CDH18: variants seen among roughly 807,000 people sequenced by gnomAD.
CDH18 encodes the protein cadherin-18.
Under a neutral mutation model 67.9 loss-of-function variants are expected in CDH18, and 31 were observed. The ratio of observed to expected loss-of-function variants is 0.46; its 90% CI spans 0.34 to 0.62. The LOEUF (loss-of-function observed/expected upper bound fraction) is 0.62, where lower values mean the gene tolerates loss of function less well. CDH18 is among the 20% of genes least tolerant of loss of function. CDH18 has a pLI of 0.01. For synonymous variants in CDH18, 362 were observed against 347.2 expected (o/e 1.04, Z -0.48); for missense variants, 890 against 975.5 (o/e 0.91, Z 1.17).
At chr5:19,879,449 T>A (rs1420547969) in intron 2 of CDH18, among the ~76,000 whole-genome samples, 2 of 152,036 alleles carry the variant, frequency 1.3e-5, no homozygotes, top group African/African-American at 2.4e-5. Context: ...TCTAGTTCAC[T>A]GTTTAAATCT....
At chr5:20,122,546 C>T (rs1748445925) in intron 2 of CDH18, among the ~76,000 whole-genome samples, 1 of 151,956 alleles carries the variant, frequency 6.6e-6, no homozygotes, top group Non-Finnish European at 1.5e-5. Context: ...ACTATAGTAT[C>T]TTGACGTGAC....
intron 2 of CDH18, among the ~76,000 whole-genome samples, chr5:20,095,362 A>G (rs1745828292): frequency 7.1e-6 from 1 of 141,428 alleles, no homozygotes; most frequent in Non-Finnish European, 1.5e-5. Flanking sequence ...AAAGAAAGAA[A>G]AGACAGAAGA....
chr5:19,593,212 T>C (rs1322091996), intron 6 of CDH18, among the ~76,000 whole-genome samples: 1 of 152,074 alleles, frequency 6.6e-6, no homozygotes, highest in African/African-American at 2.4e-5. Flanking sequence ...ATATAGTAAT[T>C]TTACTTTTAA....
At chr5:20,012,313 T>A (rs1737509387) in intron 2 of CDH18, among the ~76,000 whole-genome samples, 1 of 151,252 alleles carries the variant, frequency 6.6e-6, no homozygotes, top group Admixed American at 6.6e-5. Flanking sequence ...TTTACTTGAA[T>A]CTTCTCTCTT....
At chr5:20,356,252 A>C (rs556229938) in intron 1 of CDH18, among the ~76,000 whole-genome samples, 65 of 152,226 alleles carry the variant, frequency 4.3e-4, no homozygotes, top group Admixed American at 7.2e-4. Flanking sequence ...GCATGGTGGC[A>C]GGTGCCTGCA....
intron 1 of CDH18, among the ~76,000 whole-genome samples, chr5:20,374,512 T>C (rs1743255753): frequency 6.6e-6 from 1 of 152,204 alleles, no homozygotes; most frequent in Non-Finnish European, 1.5e-5. Flanking sequence ...CCTAGTGTTT[T>C]ACAAAATATT....
In CDH18 at chr5:20,036,899, G is replaced by T. The variant is rs374685736; in HGVS notation, c.-517-44885C>A. ...TCTTTGTCTTTTTTGATCTTTGTGG[G>T]TCTAAAGTCTGTTTCATCAGAGATT... On this transcript the variant is annotated intron_variant, in intron 2 of 14. Transcript: ENST00000507958. 5.3e-5 allele frequency among the ~76,000 whole-genome samples: 8 copies of T among 151,904 alleles called. No individual in the cohort carries two copies. The East Asian group carries it at 5.8e-4, about 11-fold the overall frequency.
intron 10 of CDH18, among the ~76,000 whole-genome samples, chr5:19,504,606 ATTTTAAGTT>A (rs1479217619): frequency 1.3e-5 from 2 of 152,100 alleles, no homozygotes; most frequent in Non-Finnish European, 2.9e-5. Context: ...AAATGTCAAT[ATTTTAAGTT>A]TTTTAAGGGT....
upstream of CDH18, among the ~76,000 whole-genome samples, chr5:19,990,351 A>G (rs528386986): frequency 5.9e-4 from 90 of 152,344 alleles, no homozygotes; most frequent in African/African-American, 2.1e-3. Flanking sequence ...CTGAGACACA[A>G]GCAATGAGCA....
chr5:20,516,949 G>T (rs10440638), intron 1 of CDH18, among the ~76,000 whole-genome samples: 73,948 of 151,682 alleles, frequency 0.49, 18,164 homozygotes, highest in East Asian at 0.58. Context: ...ATAGAATCTA[G>T]TGCAATACTT....
chr5:20,035,540 G>A (rs1739776274), intron 2 of CDH18, among the ~76,000 whole-genome samples: 1 of 151,966 alleles, frequency 6.6e-6, no homozygotes, highest in African/African-American at 2.4e-5. Flanking sequence ...TGGCAGGTGA[G>A]AGAGTGAAAA....
chr5:19,703,699 C>T (rs1010755783), intron 5 of CDH18, among the ~76,000 whole-genome samples: 69 of 151,972 alleles, frequency 4.5e-4, no homozygotes, highest in Non-Finnish European at 6.8e-4. Flanking sequence ...GGCAGTTCCC[C>T]ATTAGGACAC....
intron 1 of CDH18, among the ~76,000 whole-genome samples, chr5:20,368,340 A>G (rs908866650): frequency 6.6e-6 from 1 of 152,144 alleles, no homozygotes; most frequent in African/African-American, 2.4e-5. Context: ...CTAAAGAATC[A>G]CTATTTGTGT....
chr5:20,226,494 T>C (rs1050112484), intron 2 of CDH18, among the ~76,000 whole-genome samples: 4 of 152,108 alleles, frequency 2.6e-5, no homozygotes, highest in African/African-American at 7.2e-5. Context: ...AAGGTTTAGT[T>C]TTTTTGATAG....
At chr5:20,536,767 A>G (rs543331605) in intron 1 of CDH18, among the ~76,000 whole-genome samples, 1 of 152,298 alleles carries the variant, frequency 6.6e-6, no homozygotes, top group African/African-American at 2.4e-5. Flanking sequence ...AGAAAACCCA[A>G]GGAGGAGGCT....
At chr5:19,554,968 G>A (rs1051081747) in intron 8 of CDH18, among the ~76,000 whole-genome samples, 5 of 152,158 alleles carry the variant, frequency 3.3e-5, no homozygotes, top group African/African-American at 1.2e-4. Context: ...TGTCCAAAGA[G>A]TTACTATAAT....
intron 11 of CDH18, among the ~76,000 whole-genome samples, chr5:19,488,727 A>G (rs1740800052): frequency 6.6e-6 from 1 of 152,208 alleles, no homozygotes; most frequent in African/African-American, 2.4e-5. Flanking sequence ...CTTCTGTTAC[A>G]ATTTTATTAT....
intron 5 of CDH18, among the ~76,000 whole-genome samples, chr5:19,660,023 A>C (rs961173351): frequency 1.3e-5 from 2 of 152,070 alleles, no homozygotes; most frequent in African/African-American, 4.8e-5. Context: ...AAATGTTTCA[A>C]TTTTACCCTT....
intron 2 of CDH18, among the ~76,000 whole-genome samples, chr5:20,229,564 C>A (rs998123909): frequency 3.9e-5 from 6 of 152,058 alleles, no homozygotes; most frequent in Non-Finnish European, 7.4e-5. Context: ...CTAAATGCAT[C>A]AATTTAGAAT....
Sources: allele counts gnomAD v4.1 joint callset (sites outside exome capture counted in the v4.1 genomes callset), GRCh38; gene constraint gnomAD v4.1.1; transcripts MANE v1.5; gene names NCBI Gene and HGNC (gene_info 2026-07-23, HGNC 2026-07-21).